The following PHACTR4 variants were observed in gnomAD, a reference collection of about 807,000 sequenced individuals.
PHACTR4 encodes protein phosphatase 1, regulatory subunit 124.
In PHACTR4, 51 loss-of-function variants were observed where a neutral mutation model predicts 72.7. The ratio of observed to expected loss-of-function variants is 0.70; its 90% CI spans 0.56 to 0.89. The LOEUF (loss-of-function observed/expected upper bound fraction) is 0.89. Ranked by LOEUF, PHACTR4 falls within the 40% of genes least tolerant of loss-of-function variation. The pLI, the probability that PHACTR4 is intolerant of heterozygous loss-of-function variation, is 0.00. For synonymous variants in PHACTR4, 255 were observed against 302.5 expected (o/e 0.84, Z 1.63); for missense variants, 731 against 861.8 (o/e 0.85, Z 1.90).
At chr1:28,440,856 T>C (rs969859054) in intron 2 of PHACTR4, among the ~76,000 whole-genome samples, 1 of 152,182 alleles carries the variant, frequency 6.6e-6, no homozygotes, top group Non-Finnish European at 1.5e-5. Flanking sequence ...TCAAAGCCTT[T>C]ATGTGGGTAG....
rs181604544 is a variant in PHACTR4, at chr1:28,401,076, A to G, written c.-38-6334A>G. The stretch of plus-strand genomic sequence containing the variant: ...TCCCCTTAGGTGGGAGGATTCTGCA[A>G]CTGGCTCTCTCTGCCTGATTTGTTT... On this transcript the variant is annotated intron_variant, in intron 1 of 13. Transcript: ENST00000373839. 1.4e-4 allele frequency among the ~76,000 whole-genome samples: 22 copies of G among 152,274 alleles called. 1 individual carries two copies. Among genetic ancestry groups the G allele is most frequent in the Admixed American group, 9.2e-4 (14 of 15,272 alleles).
intron 2 of PHACTR4, among the ~76,000 whole-genome samples, chr1:28,435,210 T>G (rs1656554384): frequency 6.6e-6 from 1 of 152,156 alleles, no homozygotes; most frequent in African/African-American, 2.4e-5. Flanking sequence ...CCAGGAACAT[T>G]ACAAAGCACT....
intron 4 of PHACTR4, 92 bp downstream of exon 4, chr1:28,460,384 T>C (rs1326159793): frequency 1.3e-5 from 12 of 945,022 alleles, no homozygotes; most frequent in Non-Finnish European, 1.9e-5. Flanking sequence ...TTCTTTCTTT[T>C]ATATTGCTAT....
At chr1:28,489,899 A>C in intron 10 of PHACTR4, 1 of 518,866 alleles carries the variant, frequency 1.9e-6, no homozygotes. Flanking sequence ...ACTTGGGTAT[A>C]CACAACTTAA....
chr1:28,476,799 T>C (rs1244939217), intron 8 of PHACTR4, among the ~76,000 whole-genome samples: 1 of 148,610 alleles, frequency 6.7e-6, no homozygotes, highest in African/African-American at 2.5e-5. Flanking sequence ...AGACGGAGTT[T>C]TGCTCTTGTT....
intron 2 of PHACTR4, among the ~76,000 whole-genome samples, chr1:28,434,498 T>G (rs1656503153): frequency 6.6e-6 from 1 of 152,020 alleles, no homozygotes; most frequent in South Asian, 2.1e-4. Flanking sequence ...ATTTTTGTAT[T>G]TTTAGTAGAG....
chr1:28,491,798 A>G lies in PHACTR4; in HGVS notation c.2016+11A>G. The G allele has an allele frequency of 6.2e-7, 1 of 1,609,082 alleles. No individual in the cohort carries two copies. The highest frequency in any genetic ancestry group is 8.5e-7 in the Non-Finnish European group (1 of 1,178,052). ...ACCCCTGCTGACAAGGTACCTGGAA[A>G]GCACTCTCTTGCTTTTTTTCTCTTT... On this transcript the variant is annotated intron_variant, in intron 12 of 13. Coordinates refer to ENST00000373839, the MANE Select transcript of PHACTR4 (RefSeq NM_001048183.3).
At chr1:28,381,304 T>TA (rs990586452) in intron 1 of PHACTR4, among the ~76,000 whole-genome samples, 6 of 37,992 alleles carry the variant, frequency 1.6e-4, no homozygotes, top group Middle Eastern at 0.043. Flanking sequence ...CGCCTGGCCT[T>TA]TTTTTTTTTT....
intron 4 of PHACTR4, 132 bp from the exon 5 acceptor site, chr1:28,465,552 AC>A: frequency 1.1e-6 from 1 of 891,428 alleles, no homozygotes. Context: ...GGAGTTCAAG[AC>A]CAGCCTGGGC....
chr1:28,402,783 T>C (rs1025839719), intron 1 of PHACTR4, among the ~76,000 whole-genome samples: 2 of 152,206 alleles, frequency 1.3e-5, no homozygotes, highest in African/African-American at 2.4e-5. Context: ...AGGATTTTTC[T>C]AGCAAGACAT....
rs1372736824 is a variant in PHACTR4, at chr1:28,496,938, C to A, written c.*389C>A. On this transcript the variant is annotated 3_prime_UTR_variant, in exon 14 of 14. Coordinates refer to ENST00000373839, the MANE Select transcript of PHACTR4 (RefSeq NM_001048183.3). ...TACCTGCCCTGCCCTGATTGTGAGA[C>A]CCAAATGTGTAGGCTCTAAATTCCA... 4.5e-6 allele frequency: 1 copy of A among 220,988 alleles called. No homozygotes were observed. The highest frequency in any genetic ancestry group is 2.3e-5 in the African/African-American group (1 of 43,482). The allele number at this position is 220,988 out of a possible 1,614,324, so 13.7% of individuals were successfully genotyped here.
At chr1:28,475,570 C>T (rs1659865748) in intron 7 of PHACTR4, among the ~76,000 whole-genome samples, 1 of 152,106 alleles carries the variant, frequency 6.6e-6, no homozygotes, top group African/African-American at 2.4e-5. Flanking sequence ...TTCTGGAAAG[C>T]ACCAGTGCCT....
At chr1:28,370,579 A>C (rs1284241019) in intron 1 of PHACTR4, among the ~76,000 whole-genome samples, 1 of 142,712 alleles carries the variant, frequency 7.0e-6, no homozygotes, top group Non-Finnish European at 1.5e-5. Flanking sequence ...ATCTCGGAGG[A>C]GAGTGACTTA....
chr1:28,486,099 G>C (rs1372092040), intron 9 of PHACTR4, among the ~76,000 whole-genome samples: 2 of 151,564 alleles, frequency 1.3e-5, no homozygotes, highest in Non-Finnish European at 2.9e-5. Context: ...GCTCACCCCT[G>C]TAATCCCAGC....
At chr1:28,395,327 G>A (rs546513845) in intron 1 of PHACTR4, among the ~76,000 whole-genome samples, 109 of 152,262 alleles carry the variant, frequency 7.2e-4, no homozygotes, top group African/African-American at 2.4e-3. Context: ...CATGATCAGT[G>A]ATGATGATGA....
intron 6 of PHACTR4, among the ~76,000 whole-genome samples, chr1:28,469,830 C>T (rs1186975520): frequency 6.6e-6 from 1 of 150,408 alleles, no homozygotes; most frequent in African/African-American, 2.4e-5. Context: ...CCGAGGTGGG[C>T]AGATCGCTTG....
Position 28,474,158 on chromosome 1 carries a change from G to GCCTTTAAAGCTTGCCTCTTATTTCT in PHACTR4, c.1421+14_1421+38dup. Reference sequence around the variant, plus strand: ...CTATTGAAATGCTAAAAGTGTAAGTGCCTTTAAAGCTTGCCTCTTATTTCT... The same window carrying GCCTTTAAAGCTTGCCTCTTATTTCT: ...CTATTGAAATGCTAAAAGTGTAAGTGCCTTTAAAGCTTGCCTCTTATTTCTCCTTTAAAGCTTGCCTCTTATTTCT... On this transcript the variant is annotated splice_region_variant and intron_variant, in intron 7 of 13. Transcript: ENST00000373839. 6.3e-7 allele frequency: 1 copy of GCCTTTAAAGCTTGCCTCTTATTTCT among 1,589,956 alleles called. No individual in the cohort carries two copies. The highest frequency in any genetic ancestry group is 8.6e-7 in the Non-Finnish European group (1 of 1,166,786).
rs897844784 is a variant in PHACTR4, at chr1:28,495,703, A to G, written c.2094-831A>G. Among the ~76,000 whole-genome samples the G allele has an allele frequency of 2.6e-5, 4 of 151,556 alleles. No homozygotes were observed. The South Asian group carries it at 6.3e-4, about 24-fold the overall frequency. ...ATGATCGTGGCTCACTGCAGCCTCA[A>G]CCTCTCATGTTCAAGCCATCCTCCC... On this transcript the variant is annotated intron_variant, in intron 13 of 13. Transcript: ENST00000373839.
At chr1:28,408,280 C>T (rs1654505762) in intron 2 of PHACTR4, among the ~76,000 whole-genome samples, 1 of 151,154 alleles carries the variant, frequency 6.6e-6, no homozygotes, top group South Asian at 2.1e-4. Flanking sequence ...ATGAAAGTGA[C>T]TGGGCGCAGT....
Sources: gnomAD v4.1 joint callset for allele counts (sites outside exome capture counted in the v4.1 genomes callset) on GRCh38, gnomAD v4.1.1 for gene constraint, MANE v1.5 for transcripts, NCBI Gene and HGNC (gene_info 2026-07-23, HGNC 2026-07-21) for gene names.